EYS: variants seen among roughly 807,000 people sequenced by gnomAD.
EYS encodes the protein protein eyes shut homolog.
EYS carries 250 observed loss-of-function variants against 282.1 expected under a neutral mutation model. That is an observed-to-expected ratio of 0.89 (90% CI 0.80 to 0.98). The LOEUF is 0.98. Ranked by LOEUF, EYS falls within the 50% of genes least tolerant of loss-of-function variation. The pLI, the probability that EYS is intolerant of heterozygous loss-of-function variation, is 0.00. For missense variants in EYS, 4,016 were observed against 3,709.0 expected (o/e 1.08, Z -2.15); for synonymous variants, 1,355 against 1,282.9 (o/e 1.06, Z -1.20).
intron 31 of EYS, among the ~76,000 whole-genome samples, chr6:64,138,346 A>G (rs1774232035): frequency 6.6e-6 from 1 of 152,198 alleles, no homozygotes; most frequent in African/African-American, 2.4e-5. Flanking sequence ...AGTGAGAAAG[A>G]AACAAGATAT....
At chr6:65,075,336 C>T (rs963344470) in intron 12 of EYS, among the ~76,000 whole-genome samples, 3 of 152,026 alleles carry the variant, frequency 2.0e-5, no homozygotes, top group South Asian at 4.1e-4. Flanking sequence ...AACAGCTTAA[C>T]ACAAAATTTC....
At chr6:65,618,427 G>C (rs1192363883) in intron 2 of EYS, among the ~76,000 whole-genome samples, 4 of 152,194 alleles carry the variant, frequency 2.6e-5, no homozygotes, top group African/African-American at 9.7e-5. Flanking sequence ...ATATTTGTTT[G>C]AGTTCATTGT....
rs1331634095 is a variant in EYS, at chr6:65,546,027, G to GT, written c.-332-50035dup. ...AAAAATATTTTAACTTTTTTTTGTT[G>GT]TTTTTTTTTTGAGATAGAGTCTGGA... On this transcript the variant is annotated intron_variant, in intron 2 of 42. Coordinates refer to ENST00000503581, the MANE Select transcript of EYS (RefSeq NM_001142800.2). Among the ~76,000 whole-genome samples, 287 of 141,448 alleles carry GT rather than the reference G, an allele frequency of 2.0e-3. 3 individuals carry two copies. The highest frequency in any genetic ancestry group is 5.2e-3 in the African/African-American group (199 of 38,318). 92.8% of individuals were successfully genotyped at this position (141,448 alleles called of 152,430 possible).
intron 12 of EYS, among the ~76,000 whole-genome samples, chr6:65,061,194 T>C (rs1405508034): frequency 1.3e-5 from 2 of 151,958 alleles, no homozygotes; most frequent in Non-Finnish European, 2.9e-5. Flanking sequence ...AAAATGTAGA[T>C]TGAATTTAAA....
chr6:64,652,410 G>C (rs115537640), intron 22 of EYS, among the ~76,000 whole-genome samples: 5 of 152,114 alleles, frequency 3.3e-5, no homozygotes, highest in African/African-American at 1.2e-4. Flanking sequence ...AGGACCTAAC[G>C]ATGCATCTAA....
At chr6:64,243,357 A>G (rs1766899591) in intron 30 of EYS, among the ~76,000 whole-genome samples, 1 of 152,144 alleles carries the variant, frequency 6.6e-6, no homozygotes. Context: ...ACCAAAACTC[A>G]TTTTTTGTCC....
intron 42 of EYS, among the ~76,000 whole-genome samples, chr6:63,724,074 T>G (rs1034498858): frequency 6.6e-6 from 1 of 152,084 alleles, no homozygotes; most frequent in Non-Finnish European, 1.5e-5. Flanking sequence ...CCCAAAGTGG[T>G]GGGATTACAG....
At chr6:64,625,951 C>A (rs1767595076) in intron 23 of EYS, among the ~76,000 whole-genome samples, 170 bp downstream of exon 23, 1 of 152,134 alleles carries the variant, frequency 6.6e-6, no homozygotes, top group Non-Finnish European at 1.5e-5. Flanking sequence ...ATACAACATT[C>A]ATTTCATGTT....
intron 1 of EYS, among the ~76,000 whole-genome samples, chr6:65,665,957 T>C (rs1344462959): frequency 1.3e-5 from 2 of 151,978 alleles, no homozygotes; most frequent in African/African-American, 4.8e-5. Flanking sequence ...GGTTTCCAAT[T>C]CAAAACATGG....
intron 26 of EYS, among the ~76,000 whole-genome samples, chr6:64,449,521 C>A (rs1775243168): frequency 6.6e-6 from 1 of 152,198 alleles, no homozygotes; most frequent in South Asian, 2.1e-4. Flanking sequence ...CAAAGATACT[C>A]CTCGAGAAGA....
rs191871364 is a variant in EYS, at chr6:64,011,213, T to G, written c.6726-12030A>C. ...TGTTTTTGAACTTGCCTTCATGTTT[T>G]CAGTTTTCTTCCTTTATTTTTTCTA... On this transcript the variant is annotated intron_variant, in intron 33 of 42. Transcript: ENST00000503581. 9.2e-5 allele frequency among the ~76,000 whole-genome samples: 14 copies of G among 152,302 alleles called. No homozygotes were observed. In the East Asian group the frequency reaches 2.7e-3, roughly 29 times the overall value.
chr6:65,305,554 G>A lies in EYS; in HGVS notation c.1767-9435C>T, dbSNP rs570417904. On this transcript the variant is annotated intron_variant, in intron 11 of 42. Coordinates refer to ENST00000503581, the MANE Select transcript of EYS (RefSeq NM_001142800.2). ...CTTTGGACCTGATCTTGATGCTTCTGCTGCTCTGTTGGCCTCTGAAGAGCA... is the reference window on the plus strand; with the variant it reads ...CTTTGGACCTGATCTTGATGCTTCTACTGCTCTGTTGGCCTCTGAAGAGCA... Among the ~76,000 whole-genome samples, 656 of 152,242 alleles carry A rather than the reference G, an allele frequency of 4.3e-3. 1 individual carries two copies. The highest frequency in any genetic ancestry group is 8.1e-3 in the Non-Finnish European group (549 of 68,012).
intron 15 of EYS, among the ~76,000 whole-genome samples, chr6:64,915,851 C>T (rs926597075): frequency 2.0e-5 from 3 of 152,058 alleles, no homozygotes; most frequent in Non-Finnish European, 4.4e-5. Flanking sequence ...GTGATGTATC[C>T]TAAGTCATGT....
At chr6:64,678,830 C>T (rs1465601120) in intron 22 of EYS, among the ~76,000 whole-genome samples, 1 of 151,786 alleles carries the variant, frequency 6.6e-6, no homozygotes, top group Admixed American at 6.6e-5. Flanking sequence ...ACTAAAGACA[C>T]AAAACAATTA....
chr6:64,825,173 CA>C (rs1459898281), intron 19 of EYS, among the ~76,000 whole-genome samples: 1 of 151,866 alleles, frequency 6.6e-6, no homozygotes, highest in African/African-American at 2.4e-5. Context: ...AAATATTTCA[CA>C]GTTTACATCT....
intron 1 of EYS, among the ~76,000 whole-genome samples, chr6:65,648,685 G>A (rs1307127862): frequency 6.8e-6 from 1 of 148,074 alleles, no homozygotes; most frequent in African/African-American, 2.4e-5. Context: ...AACACCACCT[G>A]TTCCCCAAAC....
At chr6:64,411,631 C>T (rs184890438) in intron 28 of EYS, among the ~76,000 whole-genome samples, 93 of 152,098 alleles carry the variant, frequency 6.1e-4, no homozygotes, top group African/African-American at 2.2e-3. Flanking sequence ...TCACTTGAGG[C>T]CAGGAGTTCC....
chr6:64,897,856 G>C (rs1336398867), intron 18 of EYS, among the ~76,000 whole-genome samples: 1 of 152,192 alleles, frequency 6.6e-6, no homozygotes, highest in African/African-American at 2.4e-5. Flanking sequence ...AAGGATATCA[G>C]AGATTGAAGA....
At chr6:65,396,417 C>A (rs1012641399) in intron 7 of EYS, among the ~76,000 whole-genome samples, 1 of 152,094 alleles carries the variant, frequency 6.6e-6, no homozygotes, top group African/African-American at 2.4e-5. Flanking sequence ...AATCCATTGA[C>A]CCTACCAATC....
Sources: allele counts gnomAD v4.1 joint callset (sites outside exome capture counted in the v4.1 genomes callset), GRCh38; gene constraint gnomAD v4.1.1; transcripts MANE v1.5; gene names NCBI Gene and HGNC (gene_info 2026-07-23, HGNC 2026-07-21).